KLHL29: variants seen among roughly 807,000 people sequenced by gnomAD.
KLHL29 encodes the protein kelch like family member 29.
KLHL29 carries 21 observed loss-of-function variants against 80.4 expected under a neutral mutation model. That is an observed-to-expected ratio of 0.26 (90% CI 0.19 to 0.38). The LOEUF (loss-of-function observed/expected upper bound fraction) is 0.38. Ranked by LOEUF, KLHL29 falls within the 10% of genes least tolerant of loss-of-function variation. The pLI, the probability that KLHL29 is intolerant of heterozygous loss-of-function variation, is 1.00. For synonymous variants in KLHL29, 511 were observed against 526.8 expected, an observed-to-expected ratio of 0.97 and a Z score of 0.41; for missense variants, 867 against 1,223.9, an observed-to-expected ratio of 0.71 and a Z score of 4.35.
intron 5 of KLHL29, among the ~76,000 whole-genome samples, chr2:23,652,932 C>T (rs1211924098): frequency 6.6e-6 from 1 of 152,088 alleles, no homozygotes; most frequent in Non-Finnish European, 1.5e-5. Context: ...AGCTTTTTGC[C>T]CCTAACTTGG....
rs79137085 is a variant in KLHL29, at chr2:23,416,185, G to A, written c.-154+30405G>A. On this transcript the variant is annotated intron_variant, in intron 1 of 13. Transcript: ENST00000486442. ...TCTGCTAACACTTGTATGCTGGAAA[G>A]AAGCTGTTGTATTCTGAAACACTGA... is the stretch of plus-strand genomic sequence containing the variant. 2.6e-3 allele frequency among the ~76,000 whole-genome samples: 398 copies of A among 152,306 alleles called. 1 individual carries two copies. Among genetic ancestry groups the A allele is most frequent in the African/African-American group, 8.0e-3 (331 of 41,566 alleles).
chr2:23,470,168 G>A (rs536523068), intron 1 of KLHL29, among the ~76,000 whole-genome samples: 6 of 152,014 alleles, frequency 3.9e-5, no homozygotes, highest in South Asian at 4.2e-4. Context: ...CATTCTCCTC[G>A]CCCCAAACCA....
intron 1 of KLHL29, among the ~76,000 whole-genome samples, chr2:23,398,177 C>T (rs185100737): frequency 1.6e-3 from 238 of 152,312 alleles, no homozygotes; most frequent in Non-Finnish European, 2.2e-3. Flanking sequence ...TCATAGCAAC[C>T]ACATTCACAA....
chr2:23,592,376 C>G (rs1402913620), intron 3 of KLHL29, among the ~76,000 whole-genome samples: 1 of 152,244 alleles, frequency 6.6e-6, no homozygotes, highest in Non-Finnish European at 1.5e-5. Flanking sequence ...AGAGGCTGAG[C>G]CCTGCTGTCT....
intron 1 of KLHL29, among the ~76,000 whole-genome samples, chr2:23,438,852 T>C (rs559154164): frequency 5.9e-5 from 9 of 152,036 alleles, no homozygotes; most frequent in Admixed American, 4.6e-4. Context: ...ATTCCTTCTT[T>C]TTCTATTGAT....
At chr2:23,409,344 C>T (rs1337310875) in intron 1 of KLHL29, among the ~76,000 whole-genome samples, 1 of 152,158 alleles carries the variant, frequency 6.6e-6, no homozygotes, top group Non-Finnish European at 1.5e-5. Flanking sequence ...ATGGGAAAGG[C>T]AAGGATTTCT....
intron 3 of KLHL29, among the ~76,000 whole-genome samples, chr2:23,588,029 C>A (rs911358332): frequency 1.3e-5 from 2 of 152,216 alleles, no homozygotes; most frequent in African/African-American, 4.8e-5. Context: ...GTCCTCAGAT[C>A]CCATCCACGG....
chr2:23,690,675 G>T (rs1420056187), intron 6 of KLHL29: 3 of 152,248 alleles, frequency 2.0e-5, no homozygotes, highest in Non-Finnish European at 4.4e-5. Flanking sequence ...ACGGCCTGCG[G>T]GGCCGCCTCC....
intron 2 of KLHL29, among the ~76,000 whole-genome samples, chr2:23,542,764 G>A (rs1324081029): frequency 6.6e-6 from 1 of 152,160 alleles, no homozygotes; most frequent in Non-Finnish European, 1.5e-5. Context: ...CTCAGCCCCG[G>A]GGAGTTGAAC....
rs868064386 is a variant in KLHL29 at position 23,647,908 on chromosome 2, C to A, written c.940+5058C>A. Among the ~76,000 whole-genome samples the A allele has an allele frequency of 5.9e-5, 9 of 152,138 alleles. No individual in the cohort carries two copies. Among genetic ancestry groups the A allele is most frequent in the Non-Finnish European group, 8.8e-5 (6 of 68,026 alleles). ...GGATGCTATTTCATCCCCACTCCCCCCTCAGTATCCAAGCCGGTACCAGCA... is the reference window on the plus strand; with the variant it reads ...GGATGCTATTTCATCCCCACTCCCCACTCAGTATCCAAGCCGGTACCAGCA... On this transcript the variant is annotated intron_variant, in intron 5 of 13. Coordinates refer to ENST00000486442, the MANE Select transcript of KLHL29 (RefSeq NM_052920.2). This position sits in a 1 kb window ranked among gnomAD's most constrained non-coding sequence, Gnocchi z 4.9.
chr2:23,558,855 T>C (rs1290001099), intron 2 of KLHL29, among the ~76,000 whole-genome samples: 1 of 152,254 alleles, frequency 6.6e-6, no homozygotes, highest in East Asian at 1.9e-4. Flanking sequence ...AGCATTAGTT[T>C]ATTGATTCAT....
At chr2:23,665,500 TTACC>T (rs1239220397) in intron 5 of KLHL29, among the ~76,000 whole-genome samples, 1 of 152,210 alleles carries the variant, frequency 6.6e-6, no homozygotes, top group African/African-American at 2.4e-5. Flanking sequence ...TTAAATGAGC[TTACC>T]TTTTCAACTA....
intron 2 of KLHL29, among the ~76,000 whole-genome samples, chr2:23,486,853 C>T (rs1284746499): frequency 6.6e-6 from 1 of 152,148 alleles, no homozygotes; most frequent in Non-Finnish European, 1.5e-5. Flanking sequence ...AAGGCATCAC[C>T]CCTCCCCTGA....
chr2:23,623,030 G>A (rs1308543382), intron 3 of KLHL29, among the ~76,000 whole-genome samples: 1 of 152,198 alleles, frequency 6.6e-6, no homozygotes, highest in African/African-American at 2.4e-5. Context: ...GGAGCTCACA[G>A]TCCTGGGTGA....
At chr2:23,465,341 T>C (rs1572338004) in intron 1 of KLHL29, among the ~76,000 whole-genome samples, 2 of 152,234 alleles carry the variant, frequency 1.3e-5, no homozygotes, top group African/African-American at 4.8e-5. Context: ...CACCTGCTCA[T>C]GCCTCTCACC....
chr2:23,452,909 CG>C (rs200096293), intron 1 of KLHL29, among the ~76,000 whole-genome samples: 8,789 of 120,978 alleles, frequency 0.073, 301 homozygotes, highest in African/African-American at 0.16. Context: ...GTCACCCCCC[CG>C]CCCACACACA....
chr2:23,540,393 A>G (rs1666796708), intron 2 of KLHL29, among the ~76,000 whole-genome samples: 1 of 152,274 alleles, frequency 6.6e-6, no homozygotes, highest in South Asian at 2.1e-4. Flanking sequence ...ATTGGACAAC[A>G]CAGATCATAG....
rs531852888 is a variant in KLHL29, at chr2:23,538,178, G to A, written c.-45-23974G>A. 1.1e-4 allele frequency among the ~76,000 whole-genome samples: 17 copies of A among 152,196 alleles called. No homozygotes were observed. The South Asian group carries it at 1.5e-3, about 13-fold the overall frequency. Reference sequence around the variant, plus strand: ...ATGGATCTCGGGTTTCTCTTGACTCGTAGTCCAGGATTCCTTTGGCCACAG... The same window carrying A: ...ATGGATCTCGGGTTTCTCTTGACTCATAGTCCAGGATTCCTTTGGCCACAG... On this transcript the variant is annotated intron_variant, in intron 2 of 13. Transcript: ENST00000486442.
chr2:23,633,311 A>C (rs1309890356), intron 3 of KLHL29, among the ~76,000 whole-genome samples: 3 of 152,160 alleles, frequency 2.0e-5, no homozygotes, highest in Admixed American at 2.0e-4. Flanking sequence ...TCTGGCATTT[A>C]TGTAATTAGA....
Sources: allele counts gnomAD v4.1 joint callset (sites outside exome capture counted in the v4.1 genomes callset), GRCh38; gene constraint gnomAD v4.1.1; non-coding constraint Gnocchi (gnomAD v3.1); transcripts MANE v1.5; gene names NCBI Gene and HGNC (gene_info 2026-07-23, HGNC 2026-07-21).